CAMK2D: variants seen among roughly 807,000 people sequenced by gnomAD.
CAMK2D encodes the protein calcium/calmodulin-dependent protein kinase type II subunit delta.
A neutral mutation model predicts 84.0 loss-of-function variants in CAMK2D; 37 were observed. That is an observed-to-expected ratio of 0.44 (90% CI 0.34 to 0.58). CAMK2D has a LOEUF of 0.58. Ranked by LOEUF, CAMK2D falls within the 20% of genes least tolerant of loss-of-function variation. The pLI, the probability that CAMK2D is intolerant of heterozygous loss-of-function variation, is 0.02. For synonymous variants in CAMK2D, 202 were observed against 212.5 expected (o/e 0.95, Z 0.43); for missense variants, 448 against 652.5 (o/e 0.69, Z 3.41).
chr4:113,689,569 A>T (rs1318441041), intron 2 of CAMK2D, among the ~76,000 whole-genome samples: 1 of 152,078 alleles, frequency 6.6e-6, no homozygotes, highest in Non-Finnish European at 1.5e-5. Flanking sequence ...CTTTGCCTCC[A>T]TCCTGTCCTT....
intron 2 of CAMK2D, among the ~76,000 whole-genome samples, chr4:113,745,042 T>A (rs2099601209): frequency 6.6e-6 from 1 of 152,188 alleles, no homozygotes; most frequent in Non-Finnish European, 1.5e-5. Context: ...TGTTATTATC[T>A]TAAGGTTTCA....
intron 4 of CAMK2D, among the ~76,000 whole-genome samples, chr4:113,577,793 T>C (rs889280796): frequency 6.6e-6 from 1 of 152,116 alleles, no homozygotes; most frequent in African/African-American, 2.4e-5. Context: ...TGTATAATTA[T>C]TTGCATAAAT....
intron 19 of CAMK2D, 28 bp from the exon 20 acceptor site, chr4:113,455,849 C>A (rs751627200): frequency 7.3e-7 from 1 of 1,376,614 alleles, no homozygotes; most frequent in Non-Finnish European, 1.0e-6. Flanking sequence ...ATTTAAGCCA[C>A]CTGGCATAAA....
In CAMK2D at chr4:113,751,927, T is replaced by C. The variant is rs1041371529; in HGVS notation, c.160+7393A>G. On this transcript the variant is annotated intron_variant, in intron 2 of 20. Coordinates refer to ENST00000511664, the MANE Select transcript of CAMK2D (RefSeq NM_001321571.2). ...ATGAGAAGTAATGTATTTTATTCCA[T>C]GAGTTTACACATATACCACACAAAA... Among the ~76,000 whole-genome samples the C allele has an allele frequency of 4.8e-4, 73 of 152,204 alleles. 2 individuals carry two copies. The highest frequency in any genetic ancestry group is 1.7e-3 in the African/African-American group (69 of 41,538).
intron 8 of CAMK2D, among the ~76,000 whole-genome samples, chr4:113,521,052 T>C (rs2098351371): frequency 6.6e-6 from 1 of 152,154 alleles, no homozygotes; most frequent in African/African-American, 2.4e-5. Context: ...GATGATACTC[T>C]AATTATATCA....
chr4:113,540,677 A>G (rs540729724), intron 6 of CAMK2D, among the ~76,000 whole-genome samples: 2 of 152,354 alleles, frequency 1.3e-5, no homozygotes, highest in East Asian at 3.9e-4. Flanking sequence ...ACTGGATTTT[A>G]TCATAGGAGC....
At chr4:113,702,623 T>C (rs1347446301) in intron 2 of CAMK2D, among the ~76,000 whole-genome samples, 2 of 152,106 alleles carry the variant, frequency 1.3e-5, no homozygotes, top group African/African-American at 4.8e-5. Flanking sequence ...AATATGAAAA[T>C]ATTGGTTGGG....
At chr4:113,492,584 G>A (rs1484236958) in intron 16 of CAMK2D, among the ~76,000 whole-genome samples, 10 of 151,836 alleles carry the variant, frequency 6.6e-5, no homozygotes, top group African/African-American at 1.9e-4. Flanking sequence ...TTTTGGAATA[G>A]GTGTGGTGTG....
intron 6 of CAMK2D, among the ~76,000 whole-genome samples, chr4:113,541,819 G>T (rs1447289037): frequency 6.6e-6 from 1 of 151,970 alleles, no homozygotes; most frequent in Non-Finnish European, 1.5e-5. Flanking sequence ...TGCAAATGAA[G>T]CTCCCCAATA....
At chr4:113,646,047 C>T (rs919383025) in intron 3 of CAMK2D, among the ~76,000 whole-genome samples, 2 of 152,182 alleles carry the variant, frequency 1.3e-5, no homozygotes, top group Admixed American at 1.3e-4. Flanking sequence ...AGGGAGAAGT[C>T]AATTGTTTGC....
intron 2 of CAMK2D, among the ~76,000 whole-genome samples, chr4:113,743,537 C>CTA (rs1252663944): frequency 6.6e-6 from 1 of 152,166 alleles, no homozygotes; most frequent in Non-Finnish European, 1.5e-5. Flanking sequence ...CTCAGCAGAA[C>CTA]TATAACTGCC....
Position 113,761,119 on chromosome 4 carries a change from C to G in CAMK2D, c.-51G>C, listed in dbSNP as rs763234509. On this transcript the variant is annotated 5_prime_UTR_variant, in exon 1 of 21. Coordinates refer to ENST00000511664, the MANE Select transcript of CAMK2D (RefSeq NM_001321571.2). Reference sequence around the variant, plus strand: ...GGGAGCGCGACGGACCAGAAGCGAGCAGACGCGCGGCTAACCCCGGGACTG... The same window carrying G: ...GGGAGCGCGACGGACCAGAAGCGAGGAGACGCGCGGCTAACCCCGGGACTG... 12 of 1,611,920 alleles carry G rather than the reference C, an allele frequency of 7.4e-6. No individual in the cohort carries two copies. The highest frequency in any genetic ancestry group is 2.2e-5 in the East Asian group (1 of 44,874).
At chr4:113,601,388 T>G (rs1027466423) in intron 4 of CAMK2D, among the ~76,000 whole-genome samples, 12 of 152,098 alleles carry the variant, frequency 7.9e-5, no homozygotes, top group Non-Finnish European at 7.4e-5. Flanking sequence ...TTTTATTAAT[T>G]TTTCAATAAA....
At chr4:113,683,239 CAAAAG>C (rs1396626446) in intron 2 of CAMK2D, among the ~76,000 whole-genome samples, 4 of 152,100 alleles carry the variant, frequency 2.6e-5, no homozygotes, top group Admixed American at 6.6e-5. Context: ...CATACACAGA[CAAAAG>C]AAACTATCTC....
chr4:113,620,868 G>A, intron 3 of CAMK2D, among the ~76,000 whole-genome samples: 1 of 152,138 alleles, frequency 6.6e-6, no homozygotes, highest in Middle Eastern at 3.4e-3. Context: ...ATAATTTTTG[G>A]TATTTTATTA....
intron 3 of CAMK2D, among the ~76,000 whole-genome samples, chr4:113,637,955 C>T (rs968062201): frequency 6.6e-6 from 1 of 152,116 alleles, no homozygotes; most frequent in African/African-American, 2.4e-5. Flanking sequence ...GAATAGCAGC[C>T]TTGTCCAAGC....
chr4:113,504,962 G>C lies in CAMK2D; in HGVS notation c.1044+14C>G, dbSNP rs985609936. 4 of 1,488,280 alleles carry C rather than the reference G, an allele frequency of 2.7e-6. No homozygotes were observed. In the Admixed American group the frequency reaches 8.2e-5, roughly 31 times the overall value. The allele number at this position is 1,488,280 out of a possible 1,614,324, so 92.2% of individuals were successfully genotyped here. A position where few individuals can be genotyped will look rare whatever the true frequency, so the allele number is the denominator to read the frequency against. On this transcript the variant is annotated intron_variant, in intron 14 of 20. Transcript: ENST00000511664. The stretch of plus-strand genomic sequence containing the variant: ...TAAAGAACTTAAGAAGGGTTACAAA[G>C]AGTCCAGGTATACCAGCGCTGGGGT...
intron 13 of CAMK2D, among the ~76,000 whole-genome samples, chr4:113,507,222 A>G (rs1472499708): frequency 2.0e-5 from 3 of 152,086 alleles, no homozygotes; most frequent in African/African-American, 7.2e-5. Context: ...CAAAGAGTCA[A>G]ATATAAGTAT....
intron 4 of CAMK2D, among the ~76,000 whole-genome samples, chr4:113,581,263 C>T (rs974878131): frequency 2.6e-5 from 4 of 152,084 alleles, no homozygotes; most frequent in South Asian, 2.1e-4. Flanking sequence ...CCTGTAATCC[C>T]AGCACTTTGG....
Sources: gnomAD v4.1 joint callset for allele counts (sites outside exome capture counted in the v4.1 genomes callset) on GRCh38, gnomAD v4.1.1 for gene constraint, MANE v1.5 for transcripts, NCBI Gene and HGNC (gene_info 2026-07-23, HGNC 2026-07-21) for gene names.